The following CADM2 variants were observed in gnomAD, a reference collection of about 807,000 sequenced individuals.
CADM2 encodes the protein immunoglobulin superfamily member 4D.
In CADM2, 12 loss-of-function variants were observed where a neutral mutation model predicts 49.8. That is an observed-to-expected ratio of 0.24 (90% confidence interval 0.15 to 0.39). CADM2 has a LOEUF of 0.39. Ranked by LOEUF, CADM2 falls within the 10% of genes least tolerant of loss-of-function variation. The pLI, the probability that CADM2 is intolerant of heterozygous loss-of-function variation, is 1.00. For synonymous variants in CADM2, 214 were observed against 175.4 expected (o/e 1.22, Z -1.74); for missense variants, 378 against 492.3 (o/e 0.77, Z 2.20).
At chr3:85,819,305 A>G (rs2073406743) in intron 3 of CADM2, among the ~76,000 whole-genome samples, 1 of 152,116 alleles carries the variant, frequency 6.6e-6, no homozygotes, top group Non-Finnish European at 1.5e-5. Flanking sequence ...CTCCCAGTCC[A>G]CTGACTCAAA....
At chr3:85,914,244 C>T (rs374130316) in intron 6 of CADM2, among the ~76,000 whole-genome samples, 3 of 151,992 alleles carry the variant, frequency 2.0e-5, no homozygotes, top group Non-Finnish European at 4.4e-5. Context: ...TCAATTTTGA[C>T]ATTTATTTGT....
intron 1 of CADM2, among the ~76,000 whole-genome samples, chr3:85,689,260 G>A (rs1208065920): frequency 2.0e-5 from 3 of 152,162 alleles, no homozygotes; most frequent in Non-Finnish European, 4.4e-5. Context: ...GGAGGTGGGG[G>A]TAGGGAGAGG....
intron 7 of CADM2, among the ~76,000 whole-genome samples, chr3:85,947,864 G>A (rs764898256): frequency 6.6e-6 from 1 of 151,424 alleles, no homozygotes; most frequent in Non-Finnish European, 1.5e-5. Flanking sequence ...GCAGAATCAC[G>A]ATTATAGATC....
chr3:85,324,908 C>T (rs2044707160), intron 1 of CADM2, among the ~76,000 whole-genome samples: 1 of 152,190 alleles, frequency 6.6e-6, no homozygotes, highest in South Asian at 2.1e-4. Flanking sequence ...TAACTGAGTG[C>T]TCAGTTGATC....
chr3:85,515,837 A>T (rs2060890863), intron 1 of CADM2, among the ~76,000 whole-genome samples: 1 of 151,906 alleles, frequency 6.6e-6, no homozygotes, highest in African/African-American at 2.4e-5. Flanking sequence ...AAATGTATTT[A>T]AATATGTTCC....
intron 1 of CADM2, among the ~76,000 whole-genome samples, chr3:85,300,122 A>G (rs2044058713): frequency 6.6e-6 from 1 of 152,080 alleles, no homozygotes; most frequent in African/African-American, 2.4e-5. Flanking sequence ...ACTGGGGCTT[A>G]TGGCTCCCAA....
At chr3:85,765,514 G>A (rs1007716837) in intron 2 of CADM2, among the ~76,000 whole-genome samples, 1 of 151,930 alleles carries the variant, frequency 6.6e-6, no homozygotes, top group Non-Finnish European at 1.5e-5. Flanking sequence ...CTTTCCCAGT[G>A]TTTTAATTCA....
At chr3:85,392,904 T>A (rs2034586828) in intron 1 of CADM2, among the ~76,000 whole-genome samples, 1 of 152,102 alleles carries the variant, frequency 6.6e-6, no homozygotes, top group African/African-American at 2.4e-5. Flanking sequence ...CTATCATTTT[T>A]AATTTTCTTT....
intron 8 of CADM2, chr3:86,013,444 A>C: frequency 1.3e-6 from 2 of 1,582,022 alleles, no homozygotes; most frequent in South Asian, 2.2e-5. Flanking sequence ...GATAACTTTC[A>C]AGCACTGCTG....
At chr3:85,882,669 T>A (rs1179781547) in intron 3 of CADM2, among the ~76,000 whole-genome samples, 2 of 152,200 alleles carry the variant, frequency 1.3e-5, no homozygotes, top group African/African-American at 4.8e-5. Flanking sequence ...TGCTAAAGTA[T>A]CTTCTGTGAA....
intron 1 of CADM2, among the ~76,000 whole-genome samples, chr3:85,013,907 C>A (rs1377845324): frequency 1.4e-5 from 2 of 144,458 alleles, no homozygotes; most frequent in Non-Finnish European, 1.5e-5. Flanking sequence ...ATTGTACTGT[C>A]CTCAGTACAA....
intron 8 of CADM2, among the ~76,000 whole-genome samples, chr3:85,974,330 T>A (rs529083630): frequency 4.0e-5 from 6 of 151,766 alleles, no homozygotes; most frequent in African/African-American, 1.4e-4. Flanking sequence ...TCTAGCTCTG[T>A]CAAGGGGGTA....
chr3:86,055,299 C>G (rs1295570712), intron 8 of CADM2, among the ~76,000 whole-genome samples: 1 of 151,936 alleles, frequency 6.6e-6, no homozygotes, highest in African/African-American at 2.4e-5. Flanking sequence ...ATTTATTTCT[C>G]ACAGTTCTGG....
chr3:85,769,141 A>G (rs1396501183), intron 2 of CADM2, among the ~76,000 whole-genome samples: 1 of 62,716 alleles, frequency 1.6e-5, no homozygotes, highest in Non-Finnish European at 2.4e-5. Context: ...TATATAGTAT[A>G]TATACACATA....
chr3:85,861,270 C>T (rs1446288412), intron 3 of CADM2, among the ~76,000 whole-genome samples: 1 of 152,136 alleles, frequency 6.6e-6, no homozygotes, highest in East Asian at 1.9e-4. Context: ...GCTTTTCAGT[C>T]TATTTCCAAT....
chr3:85,295,140 A>T (rs1296330843), intron 1 of CADM2, among the ~76,000 whole-genome samples: 1 of 152,248 alleles, frequency 6.6e-6, no homozygotes, highest in Non-Finnish European at 1.5e-5. Flanking sequence ...GGACATGAAC[A>T]GACACTTCTC....
At chr3:85,461,276 G>T (rs2038232645) in intron 1 of CADM2, among the ~76,000 whole-genome samples, 1 of 152,000 alleles carries the variant, frequency 6.6e-6, no homozygotes, top group Admixed American at 6.6e-5. Context: ...TACTTCACTG[G>T]ATAATCTCTA....
intron 1 of CADM2, among the ~76,000 whole-genome samples, chr3:85,148,338 A>T (rs1408261419): frequency 6.6e-6 from 1 of 152,236 alleles, no homozygotes; most frequent in Non-Finnish European, 1.5e-5. Context: ...GAGGGGCAGC[A>T]CACTGCCTAC....
At chr3:85,659,988 CTTCT>C (rs1341355092) in intron 1 of CADM2, among the ~76,000 whole-genome samples, 1 of 152,026 alleles carries the variant, frequency 6.6e-6, no homozygotes, top group African/African-American at 2.4e-5. Flanking sequence ...TGTCCAATAC[CTTCT>C]TTATTACTTT....
Sources: allele counts gnomAD v4.1 joint callset (sites outside exome capture counted in the v4.1 genomes callset), GRCh38; gene constraint gnomAD v4.1.1; transcripts MANE v1.5; gene names NCBI Gene and HGNC (gene_info 2026-07-23, HGNC 2026-07-21).